The following SVIL variants were observed in gnomAD, a reference collection of about 807,000 sequenced individuals.
The protein encoded by SVIL is supervillin, also known as archvillin.
In SVIL, 101 loss-of-function variants were observed where a neutral mutation model predicts 240.4. The ratio of observed to expected loss-of-function variants is 0.42; its 90% confidence interval spans 0.36 to 0.50. SVIL has a LOEUF of 0.50. SVIL is among the 20% of genes least tolerant of loss of function. SVIL has a pLI of 0.01. For missense variants in SVIL, 2,512 were observed against 2,818.7 expected, an observed-to-expected ratio of 0.89 and a Z score of 2.46; for synonymous variants, 999 against 1,100.0, an observed-to-expected ratio of 0.91 and a Z score of 1.82.
chr10:29,643,918 TG>T lies in SVIL; in HGVS notation c.-201+14050del, dbSNP rs1289112581. 1.4e-5 allele frequency: 7 copies of T among 502,276 alleles called. No homozygotes were observed. In the East Asian group the frequency reaches 4.0e-4, roughly 28 times the overall value. 31.1% of individuals were successfully genotyped at this position (502,276 alleles called of 1,614,324 possible). On this transcript the variant is annotated intron_variant, in intron 3 of 35. Transcript: ENST00000375400. ...AAATGAGATGTGAACTTGCCAGGGG[TG>T]AGCCTGGACCGTGGTTTATGAGTCC...
At chr10:29,703,613 G>C (rs961037729) in intron 1 of SVIL, among the ~76,000 whole-genome samples, 1 of 152,208 alleles carries the variant, frequency 6.6e-6, no homozygotes, top group Admixed American at 6.5e-5. Flanking sequence ...GAACCAGCAG[G>C]CAGGCATCAG....
chr10:29,482,244 G>A (rs2132360060), intron 27 of SVIL, among the ~76,000 whole-genome samples: 1 of 152,096 alleles, frequency 6.6e-6, no homozygotes, highest in East Asian at 1.9e-4. Flanking sequence ...ATGTTGCTCA[G>A]GCTGGTCTTG....
At chr10:29,693,595 G>A (rs572032775) in intron 1 of SVIL, among the ~76,000 whole-genome samples, 13 of 152,240 alleles carry the variant, frequency 8.5e-5, no homozygotes, top group African/African-American at 2.6e-4. Flanking sequence ...AGCCAGGTGG[G>A]CGCCAGACCT....
At chr10:29,548,552 T>G (rs1358394064) in intron 6 of SVIL, among the ~76,000 whole-genome samples, 1 of 152,252 alleles carries the variant, frequency 6.6e-6, no homozygotes, top group East Asian at 1.9e-4. Context: ...AAATGGCAGC[T>G]GCTCTTATCT....
intron 2 of SVIL, among the ~76,000 whole-genome samples, chr10:29,682,440 C>T (rs1230557828): frequency 1.3e-5 from 2 of 152,214 alleles, no homozygotes; most frequent in Non-Finnish European, 2.9e-5. Flanking sequence ...CCAGACACTG[C>T]TCTAGGTTCC....
intron 16 of SVIL, among the ~76,000 whole-genome samples, chr10:29,516,661 G>A (rs1323604493): frequency 6.6e-6 from 1 of 152,236 alleles, no homozygotes; most frequent in Non-Finnish European, 1.5e-5. Context: ...GTGATGCTGG[G>A]AGCCTGGGCA....
chr10:29,686,829 C>G (rs1961100495), intron 1 of SVIL, among the ~76,000 whole-genome samples: 1 of 152,204 alleles, frequency 6.6e-6, no homozygotes, highest in Admixed American at 6.5e-5. Flanking sequence ...TTGAAACTGA[C>G]ACACAATTTC....
chr10:29,629,316 C>T (rs1564717814), intron 1 of SVIL, among the ~76,000 whole-genome samples: 1 of 152,092 alleles, frequency 6.6e-6, no homozygotes, highest in African/African-American at 2.4e-5. Context: ...CCCTTCGAGT[C>T]CCGCACCCCA....
At chr10:29,656,615 T>C (rs1959014128) in intron 3 of SVIL, among the ~76,000 whole-genome samples, 1 of 152,178 alleles carries the variant, frequency 6.6e-6, no homozygotes, top group South Asian at 2.1e-4. Flanking sequence ...CCAGATCACA[T>C]CCAGACAATA....
At position 29,462,211 on chromosome 10, in the gene SVIL, A is replaced by C. The variant is rs550757106; in HGVS notation, c.6402+66T>G. ...AAGTGCAATTGGATGCTCTCCCCAA[A>C]GTAAAGTTAACCCACAATCCAAAAG... On this transcript the variant is annotated intron_variant, in intron 36 of 37. Transcript: ENST00000355867. 20 of 1,554,892 alleles carry C rather than the reference A, an allele frequency of 1.3e-5. No individual in the cohort carries two copies. The African/African-American group carries it at 2.3e-4, about 18-fold the overall frequency.
At chr10:29,664,796 G>A (rs1959200453) in intron 2 of SVIL, among the ~76,000 whole-genome samples, 1 of 151,966 alleles carries the variant, frequency 6.6e-6, no homozygotes, top group Non-Finnish European at 1.5e-5. Context: ...AAAACAGAAT[G>A]CAACATTTCA....
chr10:29,671,796 G>A (rs1388139393), intron 2 of SVIL, among the ~76,000 whole-genome samples: 1 of 152,104 alleles, frequency 6.6e-6, no homozygotes, highest in African/African-American at 2.4e-5. Flanking sequence ...CAAATCCTCT[G>A]CCAACACTGA....
At position 29,518,342 on chromosome 10, in the gene SVIL, C is replaced by T. The variant is rs946349104; in HGVS notation, c.3389+4068G>A. ...GGGGGAGGCTTCAGTGAGCCAAGAT[C>T]GTGTCACTGCACTCCAGCGTGGGCT... On this transcript the variant is annotated intron_variant, in intron 16 of 37. Coordinates refer to ENST00000355867, the MANE Select transcript of SVIL (RefSeq NM_021738.3). Among the ~76,000 whole-genome samples the T allele has an allele frequency of 8.6e-5, 13 of 152,012 alleles. No individual in the cohort carries two copies. The East Asian group carries it at 1.5e-3, about 18-fold the overall frequency.
intron 2 of SVIL, among the ~76,000 whole-genome samples, chr10:29,568,753 C>T (rs1450818772): frequency 6.6e-6 from 1 of 151,534 alleles, no homozygotes; most frequent in East Asian, 1.9e-4. Flanking sequence ...TTGAGAAGAC[C>T]AGGGAAGAAT....
chr10:29,656,344 T>C (rs960771355), intron 3 of SVIL, among the ~76,000 whole-genome samples: 8 of 152,120 alleles, frequency 5.3e-5, no homozygotes, highest in Non-Finnish European at 1.2e-4. Context: ...AGGGCATTCC[T>C]GGATCATCCT....
chr10:29,520,658 C>T (rs1023579328), intron 16 of SVIL, among the ~76,000 whole-genome samples: 3 of 151,848 alleles, frequency 2.0e-5, no homozygotes, highest in Non-Finnish European at 1.5e-5. Context: ...CTGTAATCCC[C>T]GCACTTTGGA....
At position 29,533,116 on chromosome 10, in the gene SVIL, G is replaced by T; in HGVS notation, c.1251C>A (p.Ser417Arg). The T allele has an allele frequency of 6.2e-7, 1 of 1,614,018 alleles. No individual in the cohort carries two copies. The stretch of plus-strand genomic sequence containing the variant: ...TTGACTCGCAGACATGGAGAACTGG[G>T]CTATCCCTTCCGTCACCTTCTAGAA... ...LTVLEGDGRD[S>R]PVLHVCESKA... Residue 417 changes from serine to arginine, a missense_variant, in exon 8 of 38, where the codon AGC becomes AGA. Transcript: ENST00000355867.
chr10:29,587,153 C>T (rs910879503), intron 1 of SVIL, among the ~76,000 whole-genome samples: 12 of 152,260 alleles, frequency 7.9e-5, no homozygotes, highest in East Asian at 1.9e-4. Context: ...TTCTGTCCTT[C>T]GGACAGTCAC....
upstream of SVIL, among the ~76,000 whole-genome samples, chr10:29,638,304 A>G (rs563106517): frequency 2.0e-5 from 3 of 152,212 alleles, no homozygotes; most frequent in African/African-American, 7.2e-5. Flanking sequence ...TCTACTAAAA[A>G]TACAAAAATT....
Sources: allele counts gnomAD v4.1 joint callset (sites outside exome capture counted in the v4.1 genomes callset), GRCh38; gene constraint gnomAD v4.1.1; transcripts MANE v1.5; gene names NCBI Gene and HGNC (gene_info 2026-07-23, HGNC 2026-07-21).